KIAA1328: variants seen among roughly 807,000 people sequenced by gnomAD.
KIAA1328 encodes KIAA1328.
Under a neutral mutation model 68.1 loss-of-function variants are expected in KIAA1328, and 52 were observed. The observed-to-expected ratio is 0.76, with a 90% CI of 0.61 to 0.96. The LOEUF is 0.96. Ranked by LOEUF, KIAA1328 falls within the 40% of genes least tolerant of loss-of-function variation. The pLI, the probability that KIAA1328 is intolerant of heterozygous loss-of-function variation, is 0.00. For synonymous variants in KIAA1328, 232 were observed against 239.4 expected (o/e 0.97, Z 0.28); for missense variants, 641 against 677.6 (o/e 0.95, Z 0.60).
At chr18:37,050,422 T>C (rs1160032060) in intron 6 of KIAA1328, among the ~76,000 whole-genome samples, 5 of 152,172 alleles carry the variant, frequency 3.3e-5, no homozygotes, top group Admixed American at 1.3e-4. Flanking sequence ...ATTTTCTCTT[T>C]AAAATTATTT....
intron 5 of KIAA1328, among the ~76,000 whole-genome samples, chr18:36,897,871 A>G (rs910491979): frequency 4.6e-5 from 7 of 152,112 alleles, no homozygotes; most frequent in Admixed American, 4.6e-4. Flanking sequence ...ATGTATTGCT[A>G]AGGCAGCTTT....
intron 5 of KIAA1328, among the ~76,000 whole-genome samples, chr18:36,954,063 C>T (rs994271310): frequency 2.2e-5 from 3 of 138,150 alleles, no homozygotes; most frequent in Non-Finnish European, 3.0e-5. Flanking sequence ...ACTGCAGTGG[C>T]GCAATCTCGG....
At chr18:37,155,482 C>T (rs1336687178) in intron 7 of KIAA1328, among the ~76,000 whole-genome samples, 2 of 152,136 alleles carry the variant, frequency 1.3e-5, no homozygotes, top group African/African-American at 4.8e-5. Context: ...CAAGTTCTAC[C>T]CTTTTTAAAT....
chr18:37,045,637 C>A (rs1470382554), intron 6 of KIAA1328, among the ~76,000 whole-genome samples: 1 of 152,138 alleles, frequency 6.6e-6, no homozygotes, highest in Non-Finnish European at 1.5e-5. Flanking sequence ...AATGCAGATT[C>A]CTTAATGTTT....
intron 5 of KIAA1328, among the ~76,000 whole-genome samples, chr18:36,954,016 G>C (rs1740348350): frequency 5.6e-5 from 1 of 17,740 alleles, no homozygotes; most frequent in Admixed American, 1.4e-3. Flanking sequence ...TTTTTTTTGA[G>C]ACGGAGTCTC....
chr18:36,915,023 G>A (rs1433175558), intron 5 of KIAA1328, among the ~76,000 whole-genome samples: 1 of 152,196 alleles, frequency 6.6e-6, no homozygotes, highest in Non-Finnish European at 1.5e-5. Flanking sequence ...ATTCTTTGCA[G>A]CTATTCACAA....
At chr18:36,878,488 G>A (rs1016050526) in intron 4 of KIAA1328, among the ~76,000 whole-genome samples, 5 of 152,068 alleles carry the variant, frequency 3.3e-5, no homozygotes, top group African/African-American at 1.2e-4. Flanking sequence ...GTGATTATGT[G>A]TCTTGGGGTT....
At chr18:37,004,204 G>A (rs149268144) in intron 6 of KIAA1328, among the ~76,000 whole-genome samples, 6 of 151,952 alleles carry the variant, frequency 3.9e-5, no homozygotes, top group Middle Eastern at 3.4e-3. Flanking sequence ...AATATTGATC[G>A]TACCCATCCA....
At chr18:37,073,989 C>T (rs1455121454) in intron 7 of KIAA1328, among the ~76,000 whole-genome samples, 1 of 152,136 alleles carries the variant, frequency 6.6e-6, no homozygotes, top group Non-Finnish European at 1.5e-5. Context: ...GATCTTGGTT[C>T]TCTAACACCA....
chr18:36,929,050 T>C (rs2050221613), intron 5 of KIAA1328, among the ~76,000 whole-genome samples: 1 of 152,238 alleles, frequency 6.6e-6, no homozygotes. Flanking sequence ...CATTTGATTC[T>C]TATTAATACA....
chr18:36,984,276 A>G (rs2052816699), intron 6 of KIAA1328, among the ~76,000 whole-genome samples: 1 of 152,206 alleles, frequency 6.6e-6, no homozygotes, highest in African/African-American at 2.4e-5. Flanking sequence ...TCAAGAAAAA[A>G]TTAATAAAAG....
intron 5 of KIAA1328, among the ~76,000 whole-genome samples, chr18:36,904,151 G>A (rs1280793805): frequency 6.6e-6 from 1 of 152,000 alleles, no homozygotes; most frequent in Non-Finnish European, 1.5e-5. Context: ...CTATTAACAT[G>A]TATATTGCTG....
intron 4 of KIAA1328, among the ~76,000 whole-genome samples, chr18:36,860,204 G>A (rs1231753375): frequency 3.3e-5 from 5 of 152,048 alleles, no homozygotes; most frequent in Non-Finnish European, 5.9e-5. Context: ...CCATGTGGTC[G>A]TATTTTGAAT....
chr18:37,223,625 T>C lies in KIAA1328; in HGVS notation c.*1398T>C. On this transcript the variant is annotated 3_prime_UTR_variant, in exon 10 of 10. Coordinates refer to ENST00000280020, the MANE Select transcript of KIAA1328 (RefSeq NM_020776.3). ...GGGAGTAAGACTTAGTCAGTGTTGG[T>C]AGACAAAGTCATACCACCCAGGGCA... 1.0e-6 allele frequency: 1 copy of C among 985,414 alleles called. No homozygotes were observed. The highest frequency in any genetic ancestry group is 1.2e-6 in the Non-Finnish European group (1 of 829,926). 61.0% of individuals were successfully genotyped at this position (985,414 alleles called of 1,614,324 possible). A position where few individuals can be genotyped will look rare whatever the true frequency, so the allele number is the denominator to read the frequency against.
intron 4 of KIAA1328, among the ~76,000 whole-genome samples, chr18:36,879,455 G>C (rs1209158887): frequency 6.6e-6 from 1 of 151,714 alleles, no homozygotes; most frequent in Non-Finnish European, 1.5e-5. Context: ...TGAGGTGTCT[G>C]TCAACCTCTG....
intron 5 of KIAA1328, among the ~76,000 whole-genome samples, chr18:36,900,127 T>C (rs1470015858): frequency 6.6e-6 from 1 of 151,948 alleles, no homozygotes; most frequent in Non-Finnish European, 1.5e-5. Context: ...AAACAAACCA[T>C]GTGCCAAATA....
chr18:36,844,187 A>G, intron 3 of KIAA1328, 21 bp from the exon 4 acceptor site: 1 of 1,493,390 alleles, frequency 6.7e-7, no homozygotes, highest in South Asian at 1.2e-5. Flanking sequence ...AAAAAGTGTA[A>G]CTAAATTTTT....
chr18:37,154,488 C>T (rs1175776080), intron 7 of KIAA1328, among the ~76,000 whole-genome samples: 1 of 152,128 alleles, frequency 6.6e-6, no homozygotes, highest in Admixed American at 6.5e-5. Context: ...CTTTTCCATC[C>T]TTTGTTTTCC....
At chr18:37,167,066 GA>G (rs2059403231) in intron 8 of KIAA1328, among the ~76,000 whole-genome samples, 3 of 152,154 alleles carry the variant, frequency 2.0e-5, no homozygotes, top group Admixed American at 6.5e-5. Context: ...AATGAAATGG[GA>G]AAAGTTCCCC....
Sources: gnomAD v4.1 joint callset for allele counts (sites outside exome capture counted in the v4.1 genomes callset) on GRCh38, gnomAD v4.1.1 for gene constraint, MANE v1.5 for transcripts, NCBI Gene and HGNC (gene_info 2026-07-23, HGNC 2026-07-21) for gene names.